The following SECISBP2 variants were observed in gnomAD, a reference collection of about 807,000 sequenced individuals.
The protein encoded by SECISBP2 is SECIS binding protein 2.
In SECISBP2, 96 loss-of-function variants were observed where a neutral mutation model predicts 98.2. The ratio of observed to expected loss-of-function variants is 0.98; its 90% CI spans 0.83 to 1.16. The LOEUF (loss-of-function observed/expected upper bound fraction) is 1.16, where lower values mean the gene tolerates loss of function less well. SECISBP2 is among the 50% of genes most tolerant of loss of function. SECISBP2 has a pLI of 0.00. For missense variants in SECISBP2, 1,046 were observed against 1,022.9 expected (o/e 1.02, Z -0.31); for synonymous variants, 407 against 370.2 (o/e 1.10, Z -1.14).
At chr9:89,339,127 C>G (rs1829259868) in intron 8 of SECISBP2, among the ~76,000 whole-genome samples, 1 of 152,174 alleles carries the variant, frequency 6.6e-6, no homozygotes, top group South Asian at 2.1e-4. Flanking sequence ...TTCTCGTGTG[C>G]CTGGTTGTTT....
At chr9:89,361,467 A>G (rs776512207), downstream of SECISBP2, 17 of 152,232 alleles carry the variant, frequency 1.1e-4, no homozygotes, top group Non-Finnish European at 2.9e-5. Context: ...AGACAAGAAG[A>G]GACGTGTGTG....
chr9:89,341,315 T>C (rs1284108308), intron 9 of SECISBP2, 32 bp from the exon 10 acceptor site: 1 of 1,596,472 alleles, frequency 6.3e-7, no homozygotes, highest in African/African-American at 1.3e-5. Context: ...TGTATAGTTT[T>C]ATAAGTAAAC....
intron 10 of SECISBP2, among the ~76,000 whole-genome samples, chr9:89,344,873 A>G (rs1260105842): frequency 1.3e-5 from 2 of 152,160 alleles, no homozygotes; most frequent in Non-Finnish European, 2.9e-5. Context: ...GCTACTTTAT[A>G]CAGCCATATC....
chr9:89,329,183 G>C (rs1022623601), intron 5 of SECISBP2: 8 of 347,900 alleles, frequency 2.3e-5, no homozygotes, highest in Admixed American at 1.4e-4. Context: ...CACGATCTCA[G>C]CTCACTGCAA....
At chr9:89,355,246 T>A (rs1367399750) in intron 14 of SECISBP2, 1 of 985,370 alleles carries the variant, frequency 1.0e-6, no homozygotes, top group East Asian at 1.1e-4. Context: ...TGTTGTTTTT[T>A]ACAGTTGCTC....
intron 7 of SECISBP2, among the ~76,000 whole-genome samples, chr9:89,337,171 T>C (rs747284876): frequency 2.2e-4 from 34 of 152,244 alleles, no homozygotes; most frequent in Admixed American, 1.2e-3. Flanking sequence ...GATTTTGTTT[T>C]ATTTTCCCAA....
chr9:89,320,355 CAAAAAAAAAAA>C (rs776426275), intron 2 of SECISBP2, among the ~76,000 whole-genome samples: 2 of 51,956 alleles, frequency 3.8e-5, no homozygotes, highest in South Asian at 1.2e-3. Flanking sequence ...GACTCTGTCT[CAAAAAAAAAAA>C]AAAAAAAAAA....
intron 10 of SECISBP2, among the ~76,000 whole-genome samples, chr9:89,344,689 T>A (rs1447567918): frequency 6.6e-6 from 1 of 152,254 alleles, no homozygotes; most frequent in Non-Finnish European, 1.5e-5. Flanking sequence ...TTTTTAACTT[T>A]AGTTTGAAAA....
At chr9:89,363,621 A>G (rs1237973858), downstream of SECISBP2, 3 of 1,594,636 alleles carry the variant, frequency 1.9e-6, no homozygotes, top group East Asian at 6.7e-5. Context: ...GAAAGCCAAT[A>G]AAACCCAAAC....
rs1832552194 is a variant in SECISBP2 at position 89,359,166 on chromosome 9, CAAGT to C, written c.*343_*346del. On this transcript the variant is annotated 3_prime_UTR_variant, in exon 17 of 17. Transcript: ENST00000375807. ...CCTCTCCATTGCAGAATAGCTGAGC[CAAGT>C]GAGTGAGTTTGCAGAAAGCAGGTGG... 4 of 343,336 alleles carry C rather than the reference CAAGT, an allele frequency of 1.2e-5. No individual in the cohort carries two copies. Among genetic ancestry groups the C allele is most frequent in the Middle Eastern group, 2.0e-3 (2 of 998 alleles). The allele number at this position is 343,336 out of a possible 1,614,324, so 21.3% of individuals were successfully genotyped here.
intron 4 of SECISBP2, among the ~76,000 whole-genome samples, chr9:89,327,699 G>A (rs1304373079): frequency 6.6e-6 from 1 of 152,142 alleles, no homozygotes; most frequent in African/African-American, 2.4e-5. Flanking sequence ...TTCAGGGACA[G>A]TAACATGCGT....
chr9:89,350,031 G>T, intron 13 of SECISBP2, 102 bp downstream of exon 13: 1 of 1,416,952 alleles, frequency 7.1e-7, no homozygotes, highest in East Asian at 2.4e-5. Context: ...GGGCCACACT[G>T]TGCTTTAAAA....
At position 89,341,333 on chromosome 9, in the gene SECISBP2, T is replaced by C. The variant is rs899363039; in HGVS notation, c.1303-14T>C. 9.3e-6 allele frequency: 15 copies of C among 1,611,712 alleles called. No individual in the cohort carries two copies. The highest frequency in any genetic ancestry group is 1.2e-5 in the Non-Finnish European group (14 of 1,178,194). On this transcript the variant is annotated splice_polypyrimidine_tract_variant and intron_variant, in intron 9 of 16. Coordinates refer to ENST00000375807, the MANE Select transcript of SECISBP2 (RefSeq NM_024077.5). The stretch of plus-strand genomic sequence containing the variant: ...ATAGTTTTATAAGTAAACTTACGAA[T>C]TTTGAACTTTCAGGATAATTTTAAA...
chr9:89,349,686 G>C (rs1256369824), intron 12 of SECISBP2, 90 bp from the exon 13 acceptor site: 2 of 1,355,478 alleles, frequency 1.5e-6, no homozygotes, highest in Non-Finnish European at 2.1e-6. Context: ...GCAGGGGTCT[G>C]GTTGCATCGG....
At chr9:89,341,513 G>A in intron 10 of SECISBP2, 34 bp downstream of exon 10, 2 of 1,612,968 alleles carry the variant, frequency 1.2e-6, no homozygotes, top group Non-Finnish European at 1.7e-6. Flanking sequence ...GCAAGTGATT[G>A]GAAGTCTTTT....
At chr9:89,353,216 T>C (rs1289728528) in intron 14 of SECISBP2, among the ~76,000 whole-genome samples, 1 of 152,202 alleles carries the variant, frequency 6.6e-6, no homozygotes, top group African/African-American at 2.4e-5. Context: ...TCCAGCAAGT[T>C]CCCAGGTGCT....
Position 89,349,936 on chromosome 9 carries a change from G to A in SECISBP2, c.1892+7G>A, listed in dbSNP as rs759542574. ...ACAGCCGCAGATTCAGGGAGTGAGTGAGCCCCTGCCTGCCAGGGACTAGGG... is the reference window on the plus strand; with the variant it reads ...ACAGCCGCAGATTCAGGGAGTGAGTAAGCCCCTGCCTGCCAGGGACTAGGG... On this transcript the variant is annotated splice_region_variant and intron_variant, in intron 13 of 16. Transcript: ENST00000375807. 6.2e-7 allele frequency: 1 copy of A among 1,613,896 alleles called. No homozygotes were observed. Among genetic ancestry groups the A allele is most frequent in the Non-Finnish European group, 8.5e-7 (1 of 1,179,960 alleles).
intron 14 of SECISBP2, 73 bp downstream of exon 14, chr9:89,350,925 A>T: frequency 7.8e-7 from 1 of 1,274,788 alleles, no homozygotes; most frequent in Non-Finnish European, 1.1e-6. Context: ...TGTTTGCCAC[A>T]CACCTCAGCG....
At chr9:89,335,331 C>T (rs1377007074) in intron 7 of SECISBP2, among the ~76,000 whole-genome samples, 1 of 151,920 alleles carries the variant, frequency 6.6e-6, no homozygotes, top group Non-Finnish European at 1.5e-5. Context: ...ATTTTCTGTG[C>T]CACTGAATAG....
Sources: allele counts gnomAD v4.1 joint callset (sites outside exome capture counted in the v4.1 genomes callset), GRCh38; gene constraint gnomAD v4.1.1; transcripts MANE v1.5; gene names NCBI Gene and HGNC (gene_info 2026-07-23, HGNC 2026-07-21).